PARD3B: variants seen among roughly 807,000 people sequenced by gnomAD.
The protein encoded by PARD3B is par-3 family cell polarity regulator beta.
A neutral mutation model predicts 130.2 loss-of-function variants in PARD3B; 103 were observed. The ratio of observed to expected loss-of-function variants is 0.79; its 90% confidence interval spans 0.67 to 0.93. The LOEUF (loss-of-function observed/expected upper bound fraction) is 0.93. Ranked by LOEUF, PARD3B falls within the 40% of genes least tolerant of loss-of-function variation. The pLI, the probability that PARD3B is intolerant of heterozygous loss-of-function variation, is 0.00. For missense variants in PARD3B, 1,609 were observed against 1,499.2 expected, an observed-to-expected ratio of 1.07 and a Z score of -1.21; for synonymous variants, 583 against 553.2, an observed-to-expected ratio of 1.05 and a Z score of -0.76.
chr2:205,264,922 T>A (rs139581832), intron 16 of PARD3B, among the ~76,000 whole-genome samples: 1 of 151,212 alleles, frequency 6.6e-6, no homozygotes, highest in Admixed American at 6.6e-5. Flanking sequence ...TTTTATCTAT[T>A]GTAAACTGGT....
chr2:205,472,158 G>T (rs1166685286), intron 20 of PARD3B, among the ~76,000 whole-genome samples: 2 of 152,132 alleles, frequency 1.3e-5, no homozygotes, highest in Non-Finnish European at 2.9e-5. Context: ...TTCTCTGAAG[G>T]TAACATAGGA....
chr2:205,136,546 A>G (rs1324786965), intron 10 of PARD3B, among the ~76,000 whole-genome samples: 1 of 152,190 alleles, frequency 6.6e-6, no homozygotes, highest in African/African-American at 2.4e-5. Context: ...AGCACTCTGC[A>G]GGTAAGTTAC....
intron 20 of PARD3B, among the ~76,000 whole-genome samples, chr2:205,456,501 T>C (rs1257381585): frequency 6.6e-6 from 1 of 152,110 alleles, no homozygotes; most frequent in African/African-American, 2.4e-5. Context: ...CTTCTCACTG[T>C]TGAGTGTACT....
intron 2 of PARD3B, among the ~76,000 whole-genome samples, chr2:204,754,791 A>C (rs901422149): frequency 6.6e-6 from 1 of 152,160 alleles, no homozygotes; most frequent in Admixed American, 6.6e-5. Flanking sequence ...GAACTTAATT[A>C]TGAGGCCAAA....
Position 205,440,823 on chromosome 2 carries a change from T to C in PARD3B, c.3044+151T>C. On this transcript the variant is annotated intron_variant, in intron 20 of 22. Coordinates refer to ENST00000406610, the MANE Select transcript of PARD3B (RefSeq NM_001302769.2). The surrounding 1 kb of genome is among the most constrained non-coding windows in gnomAD (Gnocchi z 4.2). ...CAAGTGCCATCCTTTGACCGACCTG[T>C]AAGATATCCACCATCAAAAATAAAA... 1 of 776,102 alleles carries C rather than the reference T, an allele frequency of 1.3e-6. No individual in the cohort carries two copies. Among genetic ancestry groups the C allele is most frequent in the Non-Finnish European group, 2.0e-6 (1 of 493,978 alleles). The allele number at this position is 776,102 out of a possible 1,614,324, so 48.1% of individuals were successfully genotyped here.
intron 18 of PARD3B, among the ~76,000 whole-genome samples, chr2:205,355,969 G>T (rs540955744): frequency 1.3e-5 from 2 of 152,244 alleles, no homozygotes; most frequent in East Asian, 1.9e-4. Context: ...CCTCCACCTG[G>T]TCTCTCCCTT....
chr2:205,489,238 A>G (rs915151310), intron 20 of PARD3B, among the ~76,000 whole-genome samples: 1 of 152,038 alleles, frequency 6.6e-6, no homozygotes, highest in Admixed American at 6.6e-5. Context: ...CCTTGAGACA[A>G]TATGTATCAC....
At chr2:205,180,015 T>G (rs1480680766) in intron 13 of PARD3B, among the ~76,000 whole-genome samples, 1 of 152,086 alleles carries the variant, frequency 6.6e-6, no homozygotes, top group Non-Finnish European at 1.5e-5. Context: ...TTTTGTCTCT[T>G]CTTTTCTTCC....
chr2:205,259,161 A>G (rs937984333), intron 16 of PARD3B, among the ~76,000 whole-genome samples: 2 of 152,060 alleles, frequency 1.3e-5, no homozygotes, highest in East Asian at 1.9e-4. Context: ...TATGCATTCA[A>G]TATTTGTTCA....
rs1384231125 is a variant in PARD3B at position 205,446,112 on chromosome 2, C to T, written c.3044+5440C>T. 6.6e-6 allele frequency among the ~76,000 whole-genome samples: 1 copy of T among 152,062 alleles called. No individual in the cohort carries two copies. On this transcript the variant is annotated intron_variant, in intron 20 of 22. Coordinates refer to ENST00000406610, the MANE Select transcript of PARD3B (RefSeq NM_001302769.2). This position sits in a 1 kb window ranked among gnomAD's most constrained non-coding sequence, Gnocchi z 4.4. ...GGGTGAAAACAGAGGGGAGAGGAAG[C>T]ATGATGTGTTAGGGGGACTGAAAGA... is the stretch of plus-strand genomic sequence containing the variant.
chr2:204,674,904 A>G (rs191113926), intron 1 of PARD3B, among the ~76,000 whole-genome samples: 7 of 152,342 alleles, frequency 4.6e-5, no homozygotes, highest in Admixed American at 1.3e-4. Context: ...GTAAACTGTG[A>G]GTTGTACAAA....
At chr2:204,961,471 A>G (rs1331271308) in intron 2 of PARD3B, among the ~76,000 whole-genome samples, 1 of 152,156 alleles carries the variant, frequency 6.6e-6, no homozygotes, top group Non-Finnish European at 1.5e-5. Context: ...GAGCTATGGA[A>G]AGAGCTTTGA....
At chr2:205,613,800 G>A (rs541468077) in intron 22 of PARD3B, among the ~76,000 whole-genome samples, 3 of 152,280 alleles carry the variant, frequency 2.0e-5, no homozygotes, top group South Asian at 2.1e-4. Context: ...TACATGCACC[G>A]AGCTGGGAGC....
At chr2:204,915,065 G>T (rs538511541) in intron 2 of PARD3B, among the ~76,000 whole-genome samples, 2 of 152,214 alleles carry the variant, frequency 1.3e-5, no homozygotes, top group African/African-American at 4.8e-5. Context: ...AGAGAAAATT[G>T]TTCCGCTGTT....
At chr2:205,534,104 G>C (rs181223390) in intron 21 of PARD3B, among the ~76,000 whole-genome samples, 1 of 150,826 alleles carries the variant, frequency 6.6e-6, no homozygotes, top group Non-Finnish European at 1.5e-5. Context: ...TAGGAAAGTG[G>C]TTTATAACTA....
intron 18 of PARD3B, among the ~76,000 whole-genome samples, chr2:205,387,875 G>A (rs577395441): frequency 3.9e-5 from 6 of 152,168 alleles, no homozygotes; most frequent in Non-Finnish European, 8.8e-5. Flanking sequence ...TTCCAGAGCC[G>A]TTCAGAAACA....
intron 2 of PARD3B, among the ~76,000 whole-genome samples, chr2:204,771,179 G>C (rs1484589444): frequency 6.6e-6 from 1 of 151,992 alleles, no homozygotes; most frequent in African/African-American, 2.4e-5. Flanking sequence ...GTAATTTATA[G>C]ATTTTTTTTT....
At chr2:205,082,178 A>G (rs1313255462) in intron 4 of PARD3B, among the ~76,000 whole-genome samples, 4 of 152,072 alleles carry the variant, frequency 2.6e-5, no homozygotes, top group Admixed American at 6.5e-5. Context: ...TTGTTTTTCT[A>G]TTATTGTCTG....
At chr2:205,143,323 G>A (rs943265237) in intron 10 of PARD3B, among the ~76,000 whole-genome samples, 1 of 152,088 alleles carries the variant, frequency 6.6e-6, no homozygotes. Context: ...AAGTAAAAAC[G>A]GGGCTGTGAT....
Sources: gnomAD v4.1 joint callset for allele counts (sites outside exome capture counted in the v4.1 genomes callset) on GRCh38, gnomAD v4.1.1 for gene constraint, Gnocchi (gnomAD v3.1) non-coding constraint, MANE v1.5 for transcripts, NCBI Gene and HGNC (gene_info 2026-07-23, HGNC 2026-07-21) for gene names.